CR1: variants seen among roughly 807,000 people sequenced by gnomAD.
The protein encoded by CR1 is complement C3b/C4b receptor 1 (Knops blood group).
CR1 carries 116 observed loss-of-function variants against 187.3 expected under a neutral mutation model. The observed-to-expected ratio is 0.62, with a 90% CI of 0.53 to 0.72. The LOEUF is 0.72. Ranked by LOEUF, CR1 falls within the 30% of genes least tolerant of loss-of-function variation. The pLI, the probability that CR1 is intolerant of heterozygous loss-of-function variation, is 0.00. For missense variants in CR1, 1,731 were observed against 2,110.7 expected (o/e 0.82, Z 3.52); for synonymous variants, 576 against 747.1 (o/e 0.77, Z 3.73).
rs766823183 is a variant in CR1 at position 207,587,574 on chromosome 1, C to A, written c.5710+9C>A. The A allele has an allele frequency of 7.4e-6, 12 of 1,610,834 alleles. No individual in the cohort carries two copies. In the South Asian group the frequency reaches 9.9e-5, roughly 13 times the overall value. On this transcript the variant is annotated intron_variant, in intron 34 of 46. Transcript: ENST00000367049. The stretch of plus-strand genomic sequence containing the variant: ...TGAAGACAACTGTAGACGTGAGTAA[C>A]CCCTCCCTGGGAACTACTTCATGTC...
chr1:207,523,338 A>G (rs901815199), intron 4 of CR1, among the ~76,000 whole-genome samples: 12 of 152,244 alleles, frequency 7.9e-5, no homozygotes, highest in Non-Finnish European at 1.2e-4. Flanking sequence ...TAAATACTAT[A>G]ACACTATGAT....
At chr1:207,639,022 A>C (rs1662901475) in intron 46 of CR1, among the ~76,000 whole-genome samples, 1 of 152,226 alleles carries the variant, frequency 6.6e-6, no homozygotes, top group African/African-American at 2.4e-5. Context: ...CCTGAGGAAC[A>C]AAGGGCTGAA....
chr1:207,504,175 G>A (rs755567947), intron 1 of CR1, among the ~76,000 whole-genome samples: 9 of 152,102 alleles, frequency 5.9e-5, no homozygotes, highest in Non-Finnish European at 1.3e-4. Context: ...TTTGGGTATC[G>A]GCTAATGTCT....
At chr1:207,519,303 A>G (rs1251589662) in intron 4 of CR1, among the ~76,000 whole-genome samples, 1 of 151,830 alleles carries the variant, frequency 6.6e-6, no homozygotes, top group Admixed American at 6.6e-5. Flanking sequence ...ATTTAATAAT[A>G]AAAATTAAAA....
chr1:207,619,764 C>A, intron 42 of CR1, 116 bp from the exon 43 acceptor site: 1 of 774,964 alleles, frequency 1.3e-6, no homozygotes. Flanking sequence ...TGTTTAAAAA[C>A]ATGCTTCCTC....
intron 28 of CR1, among the ~76,000 whole-genome samples, chr1:207,577,586 A>T (rs1382282367): frequency 6.6e-6 from 1 of 152,136 alleles, no homozygotes; most frequent in Non-Finnish European, 1.5e-5. Context: ...CCTGCCCAAC[A>T]TGGCCAAACC....
intron 35 of CR1, chr1:207,600,737 T>A (rs763256163): frequency 1.3e-5 from 2 of 152,158 alleles, no homozygotes; most frequent in Non-Finnish European, 2.9e-5. Flanking sequence ...GAAATGGATA[T>A]CATGCATATC....
At chr1:207,514,100 CTT>C (rs1196595514) in intron 4 of CR1, among the ~76,000 whole-genome samples, 1 of 151,942 alleles carries the variant, frequency 6.6e-6, no homozygotes, top group Non-Finnish European at 1.5e-5. Flanking sequence ...ATCTGTTTCT[CTT>C]TTTCTGTTAA....
At position 207,607,123 on chromosome 1, in the gene CR1, T is replaced by C. The variant is rs187607000; in HGVS notation, c.5811-128T>C. 2.5e-5 allele frequency: 16 copies of C among 633,332 alleles called. No individual in the cohort carries two copies. In the East Asian group the frequency reaches 4.0e-4, roughly 16 times the overall value. 39.2% of individuals were successfully genotyped at this position (633,332 alleles called of 1,614,324 possible). A position where few individuals can be genotyped will look rare whatever the true frequency, so the allele number is the denominator to read the frequency against. On this transcript the variant is annotated intron_variant, in intron 35 of 46. Transcript: ENST00000367049. ...ATTTGCAGATGGAGATGGGGTTTCT[T>C]CCTTCCGAGGTCTGCCATGGTGTAA...
intron 33 of CR1, among the ~76,000 whole-genome samples, chr1:207,585,393 A>G (rs1435276712): frequency 1.3e-5 from 2 of 152,236 alleles, no homozygotes; most frequent in Non-Finnish European, 1.5e-5. Flanking sequence ...TCCACTTGTC[A>G]TCTTGCCTCC....
chr1:207,511,158 G>A (rs1399758281), intron 3 of CR1, among the ~76,000 whole-genome samples: 1 of 152,024 alleles, frequency 6.6e-6, no homozygotes, highest in Non-Finnish European at 1.5e-5. Flanking sequence ...ATTGATAAAA[G>A]CCCATCCATG....
chr1:207,609,715 TG>T, intron 37 of CR1, 27 bp downstream of exon 37: 1 of 1,536,486 alleles, frequency 6.5e-7, no homozygotes, highest in South Asian at 1.3e-5. Context: ...AAGACTTTGC[TG>T]GGTGTGAGGG....
chr1:207,595,050 C>G (rs1661387965), intron 35 of CR1, among the ~76,000 whole-genome samples: 1 of 150,656 alleles, frequency 6.6e-6, no homozygotes, highest in South Asian at 2.1e-4. Flanking sequence ...ATTTAATGAT[C>G]TGATATCAGA....
At chr1:207,628,507 C>T (rs1050425419) in intron 45 of CR1, among the ~76,000 whole-genome samples, 1 of 152,024 alleles carries the variant, frequency 6.6e-6, no homozygotes, top group African/African-American at 2.4e-5. Flanking sequence ...GTAGGTAGGC[C>T]CAATCATATT....
chr1:207,609,810 ACTGT>A (rs1284533918), intron 37 of CR1, 122 bp downstream of exon 37: 5 of 995,040 alleles, frequency 5.0e-6, no homozygotes, highest in South Asian at 2.6e-5. Context: ...TAGTAGCTTC[ACTGT>A]CTGTTATCTC....
At chr1:207,524,368 C>T (rs1660100402) in intron 5 of CR1, among the ~76,000 whole-genome samples, 1 of 151,834 alleles carries the variant, frequency 6.6e-6, no homozygotes, top group Non-Finnish European at 1.5e-5. Context: ...AGGTAGTTAC[C>T]AGTTGTTCTA....
chr1:207,607,213 A>C (rs1661777953), intron 35 of CR1, 38 bp from the exon 36 acceptor site: 3 of 1,449,778 alleles, frequency 2.1e-6, no homozygotes, highest in Non-Finnish European at 2.9e-6. Flanking sequence ...AATGGGAAAT[A>C]TGTGTAGCGT....
At chr1:207,501,252 T>C (rs1311216961) in intron 1 of CR1, among the ~76,000 whole-genome samples, 2 of 152,178 alleles carry the variant, frequency 1.3e-5, no homozygotes, top group South Asian at 4.2e-4. Context: ...TTTGGATGGA[T>C]TACAGAAGGG....
Position 207,607,321 on chromosome 1 carries a change from G to T in CR1, c.5881G>T (p.Ala1961Ser). 1 of 1,612,340 alleles carries T rather than the reference G, an allele frequency of 6.2e-7. No individual in the cohort carries two copies. Among genetic ancestry groups the T allele is most frequent in the East Asian group, 2.2e-5 (1 of 44,870 alleles). The change falls in exon 36 of 47, where the codon GCA becomes TCA. Residue 1961 changes from alanine to serine, a missense_variant. Around this residue, in one of 5 missense-constraint regions of CR1, gnomAD observed 1,312 missense variants for 1,379.6 expected, o/e 0.95. Transcript: ENST00000367049. ...CAATAATGTCACATGGGATAAGAAG[G>T]CACCTATTTGTGAGAGTAAGTTGAA... ...SGNNVTWDKKAPICEIISCEP... is the reference protein window; with the variant it reads ...SGNNVTWDKKSPICEIISCEP...
Sources: gnomAD v4.1 joint callset for allele counts (sites outside exome capture counted in the v4.1 genomes callset) on GRCh38, gnomAD v4.1.1 for gene constraint, gnomAD v4.1.1 regional missense constraint, MANE v1.5 for transcripts, NCBI Gene and HGNC (gene_info 2026-07-23, HGNC 2026-07-21) for gene names.